Variants in ACOXL observed in about 807,000 individuals in gnomAD.
ACOXL encodes acyl-CoA oxidase like, also known as acyl-coenzyme A oxidase-like protein.
A neutral mutation model predicts 71.9 loss-of-function variants in ACOXL; 70 were observed. The ratio of observed to expected loss-of-function variants is 0.97; its 90% CI spans 0.80 to 1.19. The LOEUF is 1.19. Among genes scored for constraint, ACOXL ranks in the 50% most tolerant of loss-of-function variants. ACOXL has a pLI of 0.00. For synonymous variants in ACOXL, 253 were observed against 281.6 expected (o/e 0.90, Z 1.02); for missense variants, 703 against 736.3 (o/e 0.95, Z 0.52).
At chr2:110,840,698 G>A (rs1473806582) in intron 9 of ACOXL, among the ~76,000 whole-genome samples, 3 of 152,164 alleles carry the variant, frequency 2.0e-5, no homozygotes, top group East Asian at 3.9e-4. Context: ...AGAGTAAAGA[G>A]GAAATCACAG....
chr2:110,925,819 A>G (rs948432937), intron 11 of ACOXL, among the ~76,000 whole-genome samples: 3 of 148,616 alleles, frequency 2.0e-5, no homozygotes, highest in Non-Finnish European at 4.4e-5. Context: ...TCAGTTTTCA[A>G]CATGCCTTCC....
At chr2:110,799,214 T>C in intron 7 of ACOXL, 114 bp downstream of exon 7, 1 of 1,006,932 alleles carries the variant, frequency 9.9e-7, no homozygotes, top group Admixed American at 1.9e-5. Flanking sequence ...GGAGAAAACT[T>C]CCCCAGAGAA....
intron 12 of ACOXL, among the ~76,000 whole-genome samples, chr2:110,966,919 T>C (rs1023343484): frequency 1.3e-5 from 2 of 152,208 alleles, no homozygotes; most frequent in Non-Finnish European, 2.9e-5. Context: ...AGTGAACATA[T>C]ACCCATCAGG....
intron 10 of ACOXL, among the ~76,000 whole-genome samples, chr2:110,907,870 T>C (rs2059512794): frequency 6.6e-6 from 1 of 152,220 alleles, no homozygotes; most frequent in African/African-American, 2.4e-5. Flanking sequence ...AACAATTGCT[T>C]CTTCTCTTTG....
chr2:110,763,580 C>G (rs1680676139), intron 1 of ACOXL, among the ~76,000 whole-genome samples: 1 of 152,018 alleles, frequency 6.6e-6, no homozygotes. Context: ...AAATGTAAAA[C>G]CATAAAATTC....
At chr2:110,848,934 G>A (rs12997497) in intron 10 of ACOXL, among the ~76,000 whole-genome samples, 2,872 of 152,234 alleles carry the variant, frequency 0.019, 48 homozygotes, top group Middle Eastern at 0.037. Flanking sequence ...CACTCCTCAC[G>A]CTGCTGTCTC....
At chr2:110,864,685 T>C (rs972401004) in intron 10 of ACOXL, among the ~76,000 whole-genome samples, 18 of 152,244 alleles carry the variant, frequency 1.2e-4, no homozygotes, top group African/African-American at 3.9e-4. Flanking sequence ...TGCTAACATA[T>C]GCCTCCAAGA....
intron 2 of ACOXL, among the ~76,000 whole-genome samples, chr2:110,781,919 A>G (rs1305898466): frequency 6.6e-6 from 1 of 152,208 alleles, no homozygotes; most frequent in African/African-American, 2.4e-5. Context: ...ATAACAGATT[A>G]TTACATCACA....
intron 16 of ACOXL, among the ~76,000 whole-genome samples, chr2:111,069,145 CTTTTTTTT>C: frequency 7.4e-6 from 1 of 135,328 alleles, no homozygotes; most frequent in Middle Eastern, 3.8e-3. Context: ...TCTTCTTTTT[CTTTTTTTT>C]TTTTTTTTTT....
intron 16 of ACOXL, among the ~76,000 whole-genome samples, chr2:111,075,884 CTCTT>C (rs902416117): frequency 6.6e-5 from 10 of 151,980 alleles, no homozygotes; most frequent in African/African-American, 2.4e-4. Context: ...TTGTCCTGTT[CTCTT>C]TATGTTATTG....
intron 15 of ACOXL, among the ~76,000 whole-genome samples, chr2:111,046,184 G>T (rs1284198170): frequency 6.6e-6 from 1 of 152,190 alleles, no homozygotes; most frequent in Admixed American, 6.5e-5. Context: ...TGCCAGCACC[G>T]TTTCTTTACA....
At chr2:110,846,641 G>GCGCGCGCGCA (rs148602789) in intron 10 of ACOXL, among the ~76,000 whole-genome samples, 6 of 137,928 alleles carry the variant, frequency 4.4e-5, no homozygotes, top group African/African-American at 1.6e-4. Flanking sequence ...ATGCATACAC[G>GCGCGCGCGCA]CACACACACA....
chr2:110,808,014 G>A (rs1483222539), intron 9 of ACOXL, among the ~76,000 whole-genome samples: 1 of 152,076 alleles, frequency 6.6e-6, no homozygotes, highest in Non-Finnish European at 1.5e-5. Flanking sequence ...GAACTTTCAG[G>A]TTTTCTCTTA....
At chr2:111,023,406 G>C (rs1006997851) in intron 14 of ACOXL, among the ~76,000 whole-genome samples, 1 of 152,138 alleles carries the variant, frequency 6.6e-6, no homozygotes, top group Non-Finnish European at 1.5e-5. Flanking sequence ...ATTCTGCAGA[G>C]GATTGTGCAC....
chr2:111,088,418 G>A (rs1044673701), intron 16 of ACOXL, among the ~76,000 whole-genome samples: 9 of 152,044 alleles, frequency 5.9e-5, no homozygotes, highest in African/African-American at 1.9e-4. Flanking sequence ...GGTAGGCTTC[G>A]TAAAGAAACT....
At chr2:110,818,831 T>TCTCCAGGACA (rs1231379942) in intron 9 of ACOXL, among the ~76,000 whole-genome samples, 2,095 of 127,514 alleles carry the variant, frequency 0.016, 132 homozygotes, top group South Asian at 0.034. Flanking sequence ...CAGGTGCTGA[T>TCTCCAGGACA]GTCAGCACCC....
intron 17 of ACOXL, among the ~76,000 whole-genome samples, chr2:111,116,110 A>G (rs1189671503): frequency 1.3e-5 from 2 of 152,194 alleles, no homozygotes; most frequent in African/African-American, 2.4e-5. Flanking sequence ...TCATATGACA[A>G]TATGTGGAAA....
intron 13 of ACOXL, among the ~76,000 whole-genome samples, chr2:110,991,404 A>C (rs994641393): frequency 6.6e-6 from 1 of 151,876 alleles, no homozygotes; most frequent in East Asian, 1.9e-4. Context: ...TTTCTTTTCT[A>C]TTTCATTGAT....
chr2:110,977,877 A>G (rs773690964), intron 12 of ACOXL, among the ~76,000 whole-genome samples: 1 of 152,260 alleles, frequency 6.6e-6, no homozygotes, highest in Non-Finnish European at 1.5e-5. Flanking sequence ...AGTAGTATAC[A>G]CAGATCATCA....
Sources: allele counts gnomAD v4.1 joint callset (sites outside exome capture counted in the v4.1 genomes callset), GRCh38; gene constraint gnomAD v4.1.1; transcripts MANE v1.5; gene names NCBI Gene and HGNC (gene_info 2026-07-23, HGNC 2026-07-21).